The following EIF2AK4 variants were observed in gnomAD, a reference collection of about 807,000 sequenced individuals.
EIF2AK4 encodes eIF-2-alpha kinase GCN2.
Under a neutral mutation model 211.1 loss-of-function variants are expected in EIF2AK4, and 139 were observed. That is an observed-to-expected ratio of 0.66 (90% CI 0.57 to 0.76). The LOEUF is 0.76. Among genes scored for constraint, EIF2AK4 ranks in the 30% least tolerant of loss-of-function variants. The pLI is 0.00. For missense variants in EIF2AK4, 1,664 were observed against 2,043.8 expected, an observed-to-expected ratio of 0.81 and a Z score of 3.58; for synonymous variants, 710 against 751.3, an observed-to-expected ratio of 0.94 and a Z score of 0.90.
chr15:40,006,671 A>T (rs2035165863), intron 23 of EIF2AK4, among the ~76,000 whole-genome samples: 1 of 152,332 alleles, frequency 6.6e-6, no homozygotes, highest in East Asian at 1.9e-4. Flanking sequence ...CATTTTTTTT[A>T]AATTCATAAA....
chr15:40,000,472 C>T (rs1415860828), intron 20 of EIF2AK4, among the ~76,000 whole-genome samples: 1 of 152,074 alleles, frequency 6.6e-6, no homozygotes, highest in Non-Finnish European at 1.5e-5. Context: ...AATGAGGTGG[C>T]TGTGAAGATA....
rs1337343421 is a variant in EIF2AK4 at position 40,029,367 on chromosome 15, T to TTGAC, written c.4503-36_4503-33dup. On this transcript the variant is annotated intron_variant, in intron 33 of 38. Coordinates refer to ENST00000263791, the MANE Select transcript of EIF2AK4 (RefSeq NM_001013703.4). Reference sequence around the variant, plus strand: ...TAAGTTATGTGTTGCTTGTGCCTTATTGACTGTTCTTTAATTGTTTTTGTT... The same window carrying TTGAC: ...TAAGTTATGTGTTGCTTGTGCCTTATTGACTGACTGTTCTTTAATTGTTTTTGTT... 3 of 1,609,758 alleles carry TTGAC rather than the reference T, an allele frequency of 1.9e-6. No homozygotes were observed. The African/African-American group carries it at 4.0e-5, about 22-fold the overall frequency.
At chr15:40,015,854 G>T (rs889059907) in intron 27 of EIF2AK4, among the ~76,000 whole-genome samples, 3 of 152,098 alleles carry the variant, frequency 2.0e-5, no homozygotes, top group African/African-American at 7.2e-5. Flanking sequence ...CTGGCTTTAT[G>T]ACTATGGTTG....
At chr15:40,017,869 CA>C (rs771247231) in intron 29 of EIF2AK4, among the ~76,000 whole-genome samples, 17 of 151,998 alleles carry the variant, frequency 1.1e-4, no homozygotes, top group Non-Finnish European at 2.2e-4. Context: ...AGTAAAATAT[CA>C]AAACCAGAAA....
intron 32 of EIF2AK4, 69 bp downstream of exon 32, chr15:40,022,674 T>G (rs2035407643): frequency 3.6e-6 from 5 of 1,390,760 alleles, no homozygotes; most frequent in Non-Finnish European, 5.1e-6. Flanking sequence ...GCCTTCACAC[T>G]GAGGCCCGGG....
At position 39,976,664 on chromosome 15, in the gene EIF2AK4, C is replaced by G; in HGVS notation, c.2069C>G (p.Thr690Arg). The G allele has an allele frequency of 6.2e-7, 1 of 1,604,558 alleles. No individual in the cohort carries two copies. Among genetic ancestry groups the G allele is most frequent in the Non-Finnish European group, 8.5e-7 (1 of 1,177,810 alleles). ...RAARGQPASD[T>R]DGLDSVEAAA... ...GCACGCGGGCAGCCGGCGAGCGACA[C>G]AGACGGCCTGGACAGCGTAGAGGCC... Residue 690 changes from threonine (T) to arginine (R), a missense_variant, in exon 12 of 39, where the codon ACA (threonine) becomes AGA (arginine). This residue lies in a region of EIF2AK4 where 206 missense variants were observed against 201.9 expected (regional missense o/e 1.02). Transcript: ENST00000263791.
intron 32 of EIF2AK4, among the ~76,000 whole-genome samples, chr15:40,024,251 T>C (rs1483304278): frequency 6.7e-6 from 1 of 148,936 alleles, no homozygotes; most frequent in African/African-American, 2.6e-5. Flanking sequence ...TCTCATCATG[T>C]TGCCCAGGCT....
At chr15:39,974,550 C>G (rs145258858) in intron 11 of EIF2AK4, 1 of 152,156 alleles carries the variant, frequency 6.6e-6, no homozygotes, top group Admixed American at 6.5e-5. Context: ...AAAAGACAGA[C>G]AAGCAAGACA....
At chr15:40,012,341 C>G (rs2035245903) in intron 27 of EIF2AK4, among the ~76,000 whole-genome samples, 1 of 152,140 alleles carries the variant, frequency 6.6e-6, no homozygotes, top group East Asian at 1.9e-4. Context: ...AAGAAATCAC[C>G]CCTTTGCGGG....
At position 40,022,716 on chromosome 15, in the gene EIF2AK4, A is replaced by C. The variant is rs1220536426; in HGVS notation, c.4389+111A>C. 22 of 814,512 alleles carry C rather than the reference A, an allele frequency of 2.7e-5. No individual in the cohort carries two copies. In the East Asian group the frequency reaches 4.6e-4, roughly 17 times the overall value. 50.5% of individuals were successfully genotyped at this position (814,512 alleles called of 1,614,324 possible). On this transcript the variant is annotated intron_variant, in intron 32 of 38. Coordinates refer to ENST00000263791, the MANE Select transcript of EIF2AK4 (RefSeq NM_001013703.4). ...AGGTGACTGGAAATCCGTTCCCTCT[A>C]CTCTCCCTTTCCATTGTTGGGTTTC...
rs1566984119 is a variant in EIF2AK4, at chr15:39,953,947, TAAAA to T, written c.558_561del (p.Ile186MetfsTer48). On this transcript the variant is annotated frameshift_variant, in exon 5 of 39. Coordinates refer to ENST00000263791, the MANE Select transcript of EIF2AK4 (RefSeq NM_001013703.4). LOFTEE classifies it high-confidence loss of function. ...GAGATTCAGAGAAGGAAAGAAGAGA[TAAAA>T]GAAGAGAAAAAAAGGAAAGAAATGG... is the stretch of plus-strand genomic sequence containing the variant. 1 of 1,608,482 alleles carries T rather than the reference TAAAA, an allele frequency of 6.2e-7. No homozygotes were observed. The highest frequency in any genetic ancestry group is 8.5e-7 in the Non-Finnish European group (1 of 1,178,646).
intron 4 of EIF2AK4, among the ~76,000 whole-genome samples, chr15:39,951,036 G>C (rs1205455070): frequency 6.6e-6 from 1 of 152,092 alleles, no homozygotes; most frequent in African/African-American, 2.4e-5. Context: ...CGTGATTTCT[G>C]TCCCCTCTTT....
chr15:40,001,055 A>G lies in EIF2AK4; in HGVS notation c.2990A>G (p.Lys997Arg), dbSNP rs764712144. The change falls in exon 21 of 39, where the codon AAG becomes AGG. Residue 997 changes from lysine (K) to arginine (R), a missense_variant. Around this residue, in one of 7 missense-constraint regions of EIF2AK4, gnomAD observed 622 missense variants for 796.8 expected, o/e 0.78. Transcript: ENST00000263791. The stretch of plus-strand genomic sequence containing the variant: ...CGGCCCACAGCCACAGAACTGCTCA[A>G]GAGTGAGCTGCTGCCCCCACCCCAG... ...AKRPTATELL[K>R]SELLPPPQME... 3.1e-6 allele frequency: 5 copies of G among 1,614,234 alleles called. No individual in the cohort carries two copies. The highest frequency in any genetic ancestry group is 4.2e-6 in the Non-Finnish European group (5 of 1,180,044).
Position 40,001,689 on chromosome 15 carries a change from G to A in EIF2AK4, c.3159+465G>A, listed in dbSNP as rs543885818. Among the ~76,000 whole-genome samples, 9 of 148,214 alleles carry A rather than the reference G, an allele frequency of 6.1e-5. 1 individual carries two copies. Among genetic ancestry groups the A allele is most frequent in the South Asian group, 4.3e-4 (2 of 4,658 alleles). On this transcript the variant is annotated intron_variant, in intron 21 of 38. Transcript: ENST00000263791. ...TTAGAGACTGATCCCTAGCCCAAAC[G>A]CCCAGAGCCATAAGCATCAACCAGC...
At chr15:39,977,958 C>T (rs1296021208) in intron 12 of EIF2AK4, 120 bp from the exon 13 acceptor site, 2 of 598,456 alleles carry the variant, frequency 3.3e-6, no homozygotes, top group Non-Finnish European at 3.0e-6. Context: ...TACATTGATG[C>T]CTGTGGGCTC....
intron 13 of EIF2AK4, among the ~76,000 whole-genome samples, chr15:39,981,370 C>CA (rs796464935): frequency 1.7e-3 from 226 of 131,144 alleles, no homozygotes; most frequent in African/African-American, 4.7e-3. Context: ...AACTCTGTCT[C>CA]AAAAAAAAAA....
At chr15:39,956,255 C>T (rs1566984940) in intron 6 of EIF2AK4, among the ~76,000 whole-genome samples, 5 of 152,142 alleles carry the variant, frequency 3.3e-5, no homozygotes, top group Admixed American at 3.3e-4. Flanking sequence ...CCACCCGCCT[C>T]GGCCTCCCAA....
chr15:40,011,247 C>T (rs757932370), intron 26 of EIF2AK4, 34 bp from the exon 27 acceptor site: 10 of 1,600,448 alleles, frequency 6.2e-6, no homozygotes, highest in East Asian at 2.2e-5. Flanking sequence ...CCAGATTTCG[C>T]GACTCTCATT....
At position 39,976,772 on chromosome 15, in the gene EIF2AK4, C is replaced by T. The variant is rs1338427319; in HGVS notation, c.2177C>T (p.Thr726Ile). ...ERSASARFPA[T>I]GPGSSDDEDD... ...TCGGCCAGTGCCCGTTTCCCCGCCA[C>T]CGGCCCGGGCTCCAGCGATGACGAG... The change falls in exon 12 of 39, where the codon ACC becomes ATC. Residue 726 changes from threonine to isoleucine, a missense_variant. By Grantham distance (89) the Thr-to-Ile change is moderately conservative (BLOSUM62 -1). This residue lies in a region of EIF2AK4 where 206 missense variants were observed against 201.9 expected (regional missense o/e 1.02). Transcript: ENST00000263791. The T allele has an allele frequency of 1.9e-6, 3 of 1,592,016 alleles. No homozygotes were observed. The African/African-American group carries it at 4.1e-5, about 22-fold the overall frequency.
Sources: allele counts gnomAD v4.1 joint callset (sites outside exome capture counted in the v4.1 genomes callset), GRCh38; gene constraint gnomAD v4.1.1; regional missense constraint gnomAD v4.1.1; transcripts MANE v1.5; gene names NCBI Gene and HGNC (gene_info 2026-07-23, HGNC 2026-07-21).